Variants in CNTLN observed in about 807,000 individuals in gnomAD.
CNTLN encodes centlein, also known as centlein, centrosomal protein.
CNTLN carries 212 observed loss-of-function variants against 180.0 expected under a neutral mutation model. The ratio of observed to expected loss-of-function variants is 1.18; its 90% CI spans 1.05 to 1.32. CNTLN has a LOEUF of 1.32. Among genes scored for constraint, CNTLN ranks in the 40% most tolerant of loss-of-function variants. CNTLN has a pLI of 0.00. For synonymous variants in CNTLN, 722 were observed against 563.1 expected (o/e 1.28, Z -3.99); for missense variants, 2,095 against 1,610.9 (o/e 1.30, Z -5.14).
At chr9:17,516,780 A>C in the CNTLN span, among the ~76,000 whole-genome samples, 1 of 152,106 alleles carries the variant, frequency 6.6e-6, no homozygotes, top group Non-Finnish European at 1.5e-5. Context: ...TCAGTTTCCA[A>C]GGTGCCATAT....
chr9:17,369,180 G>GT (rs2133464777), intron 13 of CNTLN, among the ~76,000 whole-genome samples: 1 of 152,180 alleles, frequency 6.6e-6, no homozygotes, highest in South Asian at 2.1e-4. Context: ...AAATCTGATG[G>GT]TTTTGTAAGG....
chr9:17,283,853 C>A (rs1587483752), intron 6 of CNTLN, among the ~76,000 whole-genome samples: 1 of 152,074 alleles, frequency 6.6e-6, no homozygotes. Context: ...TTGAGATGAT[C>A]ATGTGTTTGC....
At chr9:17,264,945 G>A (rs1055383857) in intron 5 of CNTLN, among the ~76,000 whole-genome samples, 10 of 146,408 alleles carry the variant, frequency 6.8e-5, no homozygotes, top group African/African-American at 2.6e-4. Flanking sequence ...TTGGGGCTGA[G>A]ACAATGGGGT....
At chr9:17,147,713 G>C (rs758559023) in intron 2 of CNTLN, among the ~76,000 whole-genome samples, 11 of 152,132 alleles carry the variant, frequency 7.2e-5, no homozygotes, top group Non-Finnish European at 8.8e-5. Flanking sequence ...CCCTCAGAAA[G>C]AAGTATAATA....
chr9:17,264,912 G>C (rs1275266549), intron 5 of CNTLN, among the ~76,000 whole-genome samples: 1 of 150,204 alleles, frequency 6.7e-6, no homozygotes, highest in Non-Finnish European at 1.5e-5. Flanking sequence ...CTTTGCCGAA[G>C]TTGCTCATCA....
intron 5 of CNTLN, among the ~76,000 whole-genome samples, chr9:17,258,135 A>C (rs1038090055): frequency 6.8e-6 from 1 of 147,692 alleles, no homozygotes; most frequent in Non-Finnish European, 1.5e-5. Context: ...TCTTTAATCC[A>C]TCTTGAATTG....
chr9:17,521,875 C>T, the CNTLN span, among the ~76,000 whole-genome samples: 13 of 152,208 alleles, frequency 8.5e-5, no homozygotes, highest in East Asian at 2.5e-3. Flanking sequence ...ATTGCAAATG[C>T]TGATTTATTT....
At chr9:17,216,632 TTTAGAG>T (rs1256640351) in intron 2 of CNTLN, among the ~76,000 whole-genome samples, 3 of 152,206 alleles carry the variant, frequency 2.0e-5, no homozygotes, top group Non-Finnish European at 2.9e-5. Context: ...TATTTCAATT[TTTAGAG>T]TTAAAGTTTA....
chr9:17,347,471 C>G (rs1480265338), intron 12 of CNTLN, among the ~76,000 whole-genome samples: 1 of 152,006 alleles, frequency 6.6e-6, no homozygotes, highest in Non-Finnish European at 1.5e-5. Flanking sequence ...GGGTTCGAGA[C>G]CAGCCTGGAC....
intron 7 of CNTLN, 73 bp from the exon 8 acceptor site, chr9:17,308,979 TACACAC>T: frequency 1.4e-5 from 11 of 770,486 alleles, no homozygotes; most frequent in Non-Finnish European, 1.9e-5. Flanking sequence ...TATGTATATA[TACACAC>T]ACACACACAC....
At chr9:17,194,117 C>T (rs1821968346) in intron 2 of CNTLN, among the ~76,000 whole-genome samples, 1 of 152,188 alleles carries the variant, frequency 6.6e-6, no homozygotes, top group Non-Finnish European at 1.5e-5. Context: ...ACCATTTTCT[C>T]CTAGGCCTCT....
chr9:17,489,150 T>G (rs902528290), intron 25 of CNTLN, among the ~76,000 whole-genome samples: 1 of 152,108 alleles, frequency 6.6e-6, no homozygotes, highest in African/African-American at 2.4e-5. Context: ...TTTTTTAGCC[T>G]ACTTTTCTTC....
rs1243725278 is a variant in CNTLN, at chr9:17,488,001, A to G, written c.4119+935A>G. On this transcript the variant is annotated intron_variant, in intron 25 of 25. Transcript: ENST00000380647. Reference sequence around the variant, plus strand: ...CTGGAATAAATAAAAGCCAAAACATATTTGTCAAAATACCCCAAAAATTGT... The same window carrying G: ...CTGGAATAAATAAAAGCCAAAACATGTTTGTCAAAATACCCCAAAAATTGT... Among the ~76,000 whole-genome samples, 8 of 152,228 alleles carry G rather than the reference A, an allele frequency of 5.3e-5. No individual in the cohort carries two copies. In the East Asian group the frequency reaches 1.5e-3, roughly 29 times the overall value.
chr9:17,395,749 G>T (rs1163586781), intron 15 of CNTLN, among the ~76,000 whole-genome samples: 1 of 152,044 alleles, frequency 6.6e-6, no homozygotes, highest in African/African-American at 2.4e-5. Context: ...AATCTATAAT[G>T]CTTCTTTCTC....
chr9:17,496,997 A>T (rs2134396529), intron 25 of CNTLN, among the ~76,000 whole-genome samples: 1 of 152,208 alleles, frequency 6.6e-6, no homozygotes, highest in Middle Eastern at 3.4e-3. Flanking sequence ...GGGGTTGGAG[A>T]AGGTGGGGTA....
chr9:17,193,727 C>T (rs148516644), intron 2 of CNTLN, among the ~76,000 whole-genome samples: 1 of 152,112 alleles, frequency 6.6e-6, no homozygotes, highest in Non-Finnish European at 1.5e-5. Flanking sequence ...TGATAGTGCC[C>T]CTCTTCTCAC....
intron 2 of CNTLN, among the ~76,000 whole-genome samples, chr9:17,161,180 C>T (rs1020927094): frequency 6.6e-6 from 1 of 151,836 alleles, no homozygotes; most frequent in Non-Finnish European, 1.5e-5. Context: ...TAATATCATA[C>T]TAGAAAATAT....
chr9:17,520,095 A>G, the CNTLN span, among the ~76,000 whole-genome samples: 2 of 152,212 alleles, frequency 1.3e-5, no homozygotes, highest in African/African-American at 4.8e-5. Flanking sequence ...TTGCTTGTGT[A>G]AATTCAGTCA....
At chr9:17,489,976 A>G (rs1046869417) in intron 25 of CNTLN, among the ~76,000 whole-genome samples, 4 of 152,176 alleles carry the variant, frequency 2.6e-5, no homozygotes, top group African/African-American at 9.6e-5. Context: ...TCACATTGAT[A>G]TATTTTTTAA....
Sources: gnomAD v4.1 joint callset for allele counts (sites outside exome capture counted in the v4.1 genomes callset) on GRCh38, gnomAD v4.1.1 for gene constraint, MANE v1.5 for transcripts, NCBI Gene and HGNC (gene_info 2026-07-23, HGNC 2026-07-21) for gene names.